The following HERC1 variants were observed in gnomAD, a reference collection of about 807,000 sequenced individuals.
The protein encoded by HERC1 is probable E3 ubiquitin-protein ligase HERC1.
A neutral mutation model predicts 554.3 loss-of-function variants in HERC1; 160 were observed. That is an observed-to-expected ratio of 0.29 (90% CI 0.25 to 0.33). HERC1 has a LOEUF of 0.33. Ranked by LOEUF, HERC1 falls within the 10% of genes least tolerant of loss-of-function variation. HERC1 has a pLI of 1.00. For missense variants in HERC1, 4,919 were observed against 5,918.5 expected (o/e 0.83, Z 5.54); for synonymous variants, 2,175 against 2,131.7 (o/e 1.02, Z -0.56).
chr15:63,622,983 T>G, intron 73 of HERC1, 92 bp from the exon 74 acceptor site: 1 of 702,908 alleles, frequency 1.4e-6, no homozygotes, highest in Non-Finnish European at 2.3e-6. Context: ...AAAGAGAATA[T>G]TTTGAGGAAT....
At chr15:63,610,433 G>A (rs561111332) in intron 77 of HERC1, among the ~76,000 whole-genome samples, 4 of 152,316 alleles carry the variant, frequency 2.6e-5, no homozygotes, top group East Asian at 1.9e-4. Context: ...CCCTGAGACC[G>A]GAGATTAGTG....
intron 34 of HERC1, 55 bp downstream of exon 34, chr15:63,686,303 TG>T: frequency 7.7e-7 from 1 of 1,303,606 alleles, no homozygotes; most frequent in South Asian, 1.5e-5. Flanking sequence ...TATAAGAACC[TG>T]GAAAAAAAAG....
chr15:63,645,455 G>A, intron 56 of HERC1, 28 bp downstream of exon 56: 1 of 1,546,356 alleles, frequency 6.5e-7, no homozygotes, highest in Non-Finnish European at 8.8e-7. Flanking sequence ...TAAAAACTAA[G>A]ACGTATAGAT....
intron 22 of HERC1, among the ~76,000 whole-genome samples, chr15:63,715,874 T>C (rs1348111903): frequency 2.0e-5 from 3 of 152,184 alleles, no homozygotes; most frequent in African/African-American, 7.2e-5. Context: ...TGGGTGAAAT[T>C]TATAATTTTA....
chr15:63,639,964 A>G (rs1404933995), intron 61 of HERC1, among the ~76,000 whole-genome samples, 188 bp downstream of exon 61: 2 of 150,332 alleles, frequency 1.3e-5, no homozygotes, highest in African/African-American at 4.8e-5. Flanking sequence ...TACATTATCA[A>G]TTCCTGTCAC....
intron 12 of HERC1, among the ~76,000 whole-genome samples, chr15:63,737,192 T>C (rs1392257465): frequency 4.0e-5 from 6 of 150,852 alleles, no homozygotes; most frequent in Non-Finnish European, 2.9e-5. Flanking sequence ...ATTAAATTTC[T>C]TATAAAGCAG....
At chr15:63,712,141 G>A (rs760002810) in intron 24 of HERC1, among the ~76,000 whole-genome samples, 1 of 152,152 alleles carries the variant, frequency 6.6e-6, no homozygotes, top group Non-Finnish European at 1.5e-5. Flanking sequence ...GAGTAGAGGA[G>A]GTATAAACAG....
At position 63,698,977 on chromosome 15, in the gene HERC1, C is replaced by G. The variant is rs186703679; in HGVS notation, c.4656G>C (p.Leu1552Phe). The G allele has an allele frequency of 6.2e-7, 1 of 1,612,900 alleles. No individual in the cohort carries two copies. Among genetic ancestry groups the G allele is most frequent in the East Asian group, 2.2e-5 (1 of 44,862 alleles). The change falls in exon 26 of 78, where the codon TTG becomes TTC. Residue 1552 changes from leucine (L) to phenylalanine (F), a missense_variant. By Grantham distance (22) the Leu-to-Phe change is conservative (BLOSUM62 0). This residue lies in a region of HERC1 where 1,121 missense variants were observed against 1,244.0 expected (regional missense o/e 0.90). Transcript: ENST00000443617. Reference protein sequence around the residue: ...HRKRGPMHSQLESLSDSWARL... With the variant: ...HRKRGPMHSQFESLSDSWARL... ...GAGCCCAAGAGTCACTCAGGGATTC[C>G]AATTGACTGTGCATAGGACCTATAT...
At chr15:63,642,225 G>C (rs1028147553) in intron 59 of HERC1, among the ~76,000 whole-genome samples, 11 of 152,198 alleles carry the variant, frequency 7.2e-5, no homozygotes, top group African/African-American at 2.7e-4. Context: ...TTACTTCACA[G>C]CAGGGGACCA....
intron 1 of HERC1, among the ~76,000 whole-genome samples, chr15:63,825,768 A>T (rs1023196076): frequency 6.7e-5 from 10 of 148,942 alleles, no homozygotes; most frequent in Middle Eastern, 3.5e-3. Context: ...AAAAATAATA[A>T]TTTTTTTTTT....
intron 52 of HERC1, among the ~76,000 whole-genome samples, chr15:63,652,061 A>C (rs1188439454): frequency 6.6e-6 from 1 of 151,882 alleles, no homozygotes; most frequent in Non-Finnish European, 1.5e-5. Context: ...AAAACAAAAC[A>C]AAAAAAACTG....
chr15:63,762,211 C>G (rs1396690827), intron 3 of HERC1, among the ~76,000 whole-genome samples: 1 of 152,140 alleles, frequency 6.6e-6, no homozygotes, highest in African/African-American at 2.4e-5. Flanking sequence ...AACTTAGGAA[C>G]CACCCTGAAG....
chr15:63,781,874 G>C (rs186485098), intron 1 of HERC1, among the ~76,000 whole-genome samples: 2 of 152,322 alleles, frequency 1.3e-5, no homozygotes, highest in Admixed American at 1.3e-4. Context: ...CCTTTTTCCT[G>C]ATATGGGGAA....
intron 1 of HERC1, among the ~76,000 whole-genome samples, chr15:63,822,576 ACT>A (rs1188083298): frequency 1.3e-5 from 2 of 151,394 alleles, no homozygotes; most frequent in African/African-American, 4.9e-5. Context: ...ACAGAGCAAG[ACT>A]CTGTCTCAAA....
At chr15:63,714,959 T>C (rs1020394451) in intron 22 of HERC1, among the ~76,000 whole-genome samples, 2 of 152,184 alleles carry the variant, frequency 1.3e-5, no homozygotes, top group African/African-American at 4.8e-5. Flanking sequence ...TTTTATAAAA[T>C]TGTGACAATA....
In HERC1 at chr15:63,612,529, A is replaced by G. The variant is rs770741060; in HGVS notation, c.14122T>C (p.Trp4708Arg). ...GACAGCAGCGGCACAGGAACAATCC[A>G]GGACATCCCTTCTCGGACTGCAGCC... ...QVAAVREGMS[W>R]IVPVPLLSLL... Residue 4708 changes from tryptophan to arginine, a missense_variant, in exon 77 of 78, where the codon TGG becomes CGG. Trp to Arg is a moderately radical substitution (Grantham distance 101, BLOSUM62 -3). Coordinates refer to ENST00000443617, the MANE Select transcript of HERC1 (RefSeq NM_003922.4). This position sits in a 1 kb window ranked among gnomAD's most constrained non-coding sequence, Gnocchi z 5.0. The G allele has an allele frequency of 9.9e-6, 16 of 1,613,738 alleles. No individual in the cohort carries two copies. The Middle Eastern group carries it at 2.0e-3, about 199-fold the overall frequency.
chr15:63,725,259 A>G, intron 18 of HERC1, 33 bp downstream of exon 18: 1 of 1,567,932 alleles, frequency 6.4e-7, no homozygotes, highest in Admixed American at 1.7e-5. Context: ...ACAAACAGGC[A>G]TGTATTTTAA....
chr15:63,752,959 T>C lies in HERC1; in HGVS notation c.1901A>G (p.Gln634Arg). ...QSSLALTSTG[Q>R]VYAWGCGACL... ...TTTATACTCATCCCTTAGTCCTACCTGCCCTGTTGATGTCAAAGCAAGTGA... is the reference window on the plus strand; with the variant it reads ...TTTATACTCATCCCTTAGTCCTACCCGCCCTGTTGATGTCAAAGCAAGTGA... Residue 634 changes from glutamine to arginine, a missense_variant and splice_region_variant, in exon 8 of 78, where the codon CAG (glutamine) becomes CGG (arginine). Gln to Arg is a conservative substitution (Grantham distance 43). This residue lies in a region of HERC1 where 744 missense variants were observed against 1,090.0 expected (regional missense o/e 0.68). Coordinates refer to ENST00000443617, the MANE Select transcript of HERC1 (RefSeq NM_003922.4). 1 of 1,613,414 alleles carries C rather than the reference T, an allele frequency of 6.2e-7. No homozygotes were observed. The highest frequency in any genetic ancestry group is 1.3e-5 in the African/African-American group (1 of 75,032).
chr15:63,760,517 A>C (rs1179130603), intron 3 of HERC1, among the ~76,000 whole-genome samples: 1 of 151,838 alleles, frequency 6.6e-6, no homozygotes, highest in Non-Finnish European at 1.5e-5. Context: ...ACATAACTCA[A>C]GAATTAGAAA....
Sources: allele counts gnomAD v4.1 joint callset (sites outside exome capture counted in the v4.1 genomes callset), GRCh38; gene constraint gnomAD v4.1.1; regional missense constraint gnomAD v4.1.1; non-coding constraint Gnocchi (gnomAD v3.1); transcripts MANE v1.5; gene names NCBI Gene and HGNC (gene_info 2026-07-23, HGNC 2026-07-21).